The following GREB1L variants were observed in gnomAD, a reference collection of about 807,000 sequenced individuals.
GREB1L encodes the protein GREB1 like retinoic acid receptor coactivator, also known as GREB1-like protein.
A neutral mutation model predicts 200.8 loss-of-function variants in GREB1L; 17 were observed. The ratio of observed to expected loss-of-function variants is 0.08; its 90% CI spans 0.06 to 0.13. The LOEUF is 0.13. GREB1L is among the 10% of genes least tolerant of loss of function. The pLI, the probability that GREB1L is intolerant of heterozygous loss-of-function variation, is 1.00. For missense variants in GREB1L, 1,657 were observed against 2,367.7 expected (o/e 0.70, Z 6.23); for synonymous variants, 789 against 893.0 (o/e 0.88, Z 2.08).
At position 21,376,763 on chromosome 18, in the gene GREB1L, C is replaced by G. The variant is rs553814613; in HGVS notation, c.-9-6747C>G. ...TAGCTTGCAGTGAGCCGAGATCACA[C>G]CACTGCACTCCAGCCTGGGCAACAG... On this transcript the variant is annotated intron_variant, in intron 2 of 32. Coordinates refer to ENST00000424526, the MANE Select transcript of GREB1L (RefSeq NM_001142966.3). Among the ~76,000 whole-genome samples, 3 of 148,982 alleles carry G rather than the reference C, an allele frequency of 2.0e-5. No individual in the cohort carries two copies. The East Asian group carries it at 5.9e-4, about 30-fold the overall frequency.
intron 15 of GREB1L, among the ~76,000 whole-genome samples, chr18:21,462,697 G>A (rs1468459806): frequency 4.6e-5 from 7 of 152,154 alleles, no homozygotes; most frequent in African/African-American, 1.2e-4. Flanking sequence ...TGATCCACCC[G>A]CCTTGGCCTC....
chr18:21,301,032 T>G (rs2038609071), intron 1 of GREB1L, among the ~76,000 whole-genome samples: 1 of 152,248 alleles, frequency 6.6e-6, no homozygotes, highest in Non-Finnish European at 1.5e-5. Flanking sequence ...AGCCTGTGTT[T>G]AATTCAGTAG....
At chr18:21,503,543 C>A (rs1384457298) in intron 23 of GREB1L, among the ~76,000 whole-genome samples, 1 of 150,656 alleles carries the variant, frequency 6.6e-6, no homozygotes, top group Non-Finnish European at 1.5e-5. Context: ...CAGCTGCGTG[C>A]CTGCAACTGT....
intron 3 of GREB1L, 129 bp from the exon 4 acceptor site, chr18:21,384,077 C>A: frequency 1.4e-6 from 1 of 697,836 alleles, no homozygotes. Context: ...AATCTTGGGA[C>A]CTCTGAGATA....
intron 1 of GREB1L, among the ~76,000 whole-genome samples, chr18:21,258,051 A>G (rs1319438968): frequency 1.4e-4 from 21 of 152,188 alleles, no homozygotes; most frequent in Admixed American, 1.4e-3. Flanking sequence ...CCTCTGTGTC[A>G]TACTCTTGGG....
At chr18:21,487,727 G>T (rs573916739) in intron 18 of GREB1L, among the ~76,000 whole-genome samples, 29 of 152,182 alleles carry the variant, frequency 1.9e-4, no homozygotes, top group South Asian at 1.0e-3. Context: ...TGGGCTGGGC[G>T]CGGTGGCTCA....
chr18:21,275,018 G>A (rs1161229618), intron 1 of GREB1L, among the ~76,000 whole-genome samples: 5 of 152,170 alleles, frequency 3.3e-5, no homozygotes, highest in East Asian at 1.9e-4. Context: ...GAGGTGGGCC[G>A]ATCACGAGGT....
chr18:21,344,255 G>A (rs1274785123), intron 1 of GREB1L, among the ~76,000 whole-genome samples: 3 of 152,162 alleles, frequency 2.0e-5, no homozygotes, highest in African/African-American at 7.2e-5. Context: ...CCAAAAATTA[G>A]CCAGGCTTGG....
chr18:21,450,516 TC>T (rs1166970252), intron 12 of GREB1L: 1 of 152,816 alleles, frequency 6.5e-6, no homozygotes, highest in Non-Finnish European at 1.5e-5. Context: ...GAAAGCTTCA[TC>T]AGTGTGATAC....
At chr18:21,504,108 A>G (rs1299865389) in intron 23 of GREB1L, among the ~76,000 whole-genome samples, 1 of 151,902 alleles carries the variant, frequency 6.6e-6, no homozygotes, top group Non-Finnish European at 1.5e-5. Context: ...TAATTTTGGT[A>G]TTTTTGGTAG....
Position 21,257,157 on chromosome 18 carries a change from G to A in GREB1L, c.-120+14764G>A, listed in dbSNP as rs566468305. On this transcript the variant is annotated intron_variant, in intron 1 of 32. Coordinates refer to ENST00000424526, the MANE Select transcript of GREB1L (RefSeq NM_001142966.3). ...AATTTTTTGTATTTTTAGTAGAGAC[G>A]AGATTTCACCGTGTTAGCCAGGATG... 3.9e-5 allele frequency among the ~76,000 whole-genome samples: 6 copies of A among 152,152 alleles called. No individual in the cohort carries two copies. The South Asian group carries it at 6.2e-4, about 16-fold the overall frequency.
intron 4 of GREB1L, among the ~76,000 whole-genome samples, chr18:21,386,793 C>T (rs1284519691): frequency 1.3e-5 from 2 of 152,244 alleles, no homozygotes; most frequent in East Asian, 1.9e-4. Context: ...GCGTGAGCCA[C>T]CACGCCCAGC....
chr18:21,474,285 T>C (rs2035598154), intron 16 of GREB1L, among the ~76,000 whole-genome samples: 1 of 152,176 alleles, frequency 6.6e-6, no homozygotes. Flanking sequence ...GTTAGTTACT[T>C]CCTAGATAGA....
In GREB1L at chr18:21,523,041, T is replaced by G. The variant is rs188206450; in HGVS notation, c.*220T>G. 182 of 450,834 alleles carry G rather than the reference T, an allele frequency of 4.0e-4. No homozygotes were observed. Among genetic ancestry groups the G allele is most frequent in the Non-Finnish European group, 5.9e-4 (150 of 256,092 alleles). 27.9% of individuals were successfully genotyped at this position (450,834 alleles called of 1,614,324 possible). On this transcript the variant is annotated 3_prime_UTR_variant, in exon 33 of 33. Transcript: ENST00000424526. ...GACCCTTAAATTCAGGTAAACTCTA[T>G]CCTAGGCAGTTATGCAATTACTTAA...
chr18:21,413,346 G>T (rs2031277253), intron 7 of GREB1L, among the ~76,000 whole-genome samples: 1 of 152,112 alleles, frequency 6.6e-6, no homozygotes, highest in Non-Finnish European at 1.5e-5. Context: ...CTAAGATGTG[G>T]CCGTGTCTGT....
chr18:21,432,696 CT>C (rs1403274438), intron 7 of GREB1L, among the ~76,000 whole-genome samples: 1 of 109,316 alleles, frequency 9.1e-6, no homozygotes, highest in African/African-American at 4.1e-5. Flanking sequence ...TTAACATTTT[CT>C]TTTTTTTCTT....
intron 19 of GREB1L, among the ~76,000 whole-genome samples, chr18:21,493,206 C>T (rs2145876516): frequency 6.6e-6 from 1 of 152,276 alleles, no homozygotes; most frequent in Admixed American, 6.5e-5. Flanking sequence ...AACACTACTT[C>T]TATTATGTGA....
intron 7 of GREB1L, among the ~76,000 whole-genome samples, chr18:21,433,005 C>G (rs1339003830): frequency 2.6e-5 from 4 of 152,134 alleles, no homozygotes; most frequent in Admixed American, 6.5e-5. Flanking sequence ...CTGCACCCAG[C>G]TGACATTTTC....
At chr18:21,383,342 TAAC>T (rs1325050168) in intron 2 of GREB1L, among the ~76,000 whole-genome samples, 165 bp from the exon 3 acceptor site, 2 of 152,234 alleles carry the variant, frequency 1.3e-5, no homozygotes. Flanking sequence ...CGTGACATGA[TAAC>T]AAGTAACTTA....
Sources: allele counts gnomAD v4.1 joint callset (sites outside exome capture counted in the v4.1 genomes callset), GRCh38; gene constraint gnomAD v4.1.1; transcripts MANE v1.5; gene names NCBI Gene and HGNC (gene_info 2026-07-23, HGNC 2026-07-21).